TSNARE1: variants seen among roughly 807,000 people sequenced by gnomAD.
The protein encoded by TSNARE1 is t-SNARE domain containing 1, also known as t-SNARE domain-containing protein 1.
TSNARE1 carries 49 observed loss-of-function variants against 62.0 expected under a neutral mutation model. The ratio of observed to expected loss-of-function variants is 0.79; its 90% confidence interval spans 0.63 to 1.00. The LOEUF is 1.00. TSNARE1 is among the 50% of genes least tolerant of loss of function. TSNARE1 has a pLI of 0.00. For missense variants in TSNARE1, 755 were observed against 700.1 expected (o/e 1.08, Z -0.88); for synonymous variants, 328 against 294.4 (o/e 1.11, Z -1.17).
At chr8:142,398,980 G>C (rs562509669) in intron 1 of TSNARE1, among the ~76,000 whole-genome samples, 5 of 152,288 alleles carry the variant, frequency 3.3e-5, no homozygotes, top group Admixed American at 3.3e-4. Context: ...TCATAGCCTG[G>C]ATAAGGCCAG....
chr8:142,316,813 C>G (rs1195052280), intron 7 of TSNARE1, among the ~76,000 whole-genome samples: 1 of 151,910 alleles, frequency 6.6e-6, no homozygotes, highest in Non-Finnish European at 1.5e-5. Flanking sequence ...GCCTGCCTAA[C>G]TCTCCGCTCC....
At chr8:142,340,440 T>A (rs1392850210) in intron 4 of TSNARE1, among the ~76,000 whole-genome samples, 1 of 151,964 alleles carries the variant, frequency 6.6e-6, no homozygotes, top group Non-Finnish European at 1.5e-5. Flanking sequence ...CTGGGGGAGC[T>A]GAGGGTGGGG....
rs572405889 is a variant in TSNARE1 at position 142,361,589 on chromosome 8, G to T, written c.-39-6826C>A. ...GCGGACCCAGTGTGGCTGAGCTCAC[G>T]CATGGGCTTTCTGCAGCCCCCAGCC... is the stretch of plus-strand genomic sequence containing the variant. On this transcript the variant is annotated intron_variant, in intron 1 of 13. Coordinates refer to ENST00000524325, the MANE Select transcript of TSNARE1 (RefSeq NM_145003.5). Among the ~76,000 whole-genome samples, 74 of 152,328 alleles carry T rather than the reference G, an allele frequency of 4.9e-4. No homozygotes were observed. The East Asian group carries it at 0.013, about 27-fold the overall frequency.
intron 9 of TSNARE1, among the ~76,000 whole-genome samples, chr8:142,304,082 G>A (rs769514527): frequency 6.6e-6 from 1 of 152,242 alleles, no homozygotes; most frequent in Admixed American, 6.5e-5. Context: ...GTAGAAGCTA[G>A]CAGAAGCCTT....
intron 13 of TSNARE1, among the ~76,000 whole-genome samples, chr8:142,218,005 G>GCTCA (rs138146957): frequency 6.2e-5 from 4 of 64,550 alleles, no homozygotes; most frequent in African/African-American, 1.5e-4. Context: ...CAGGATCAGG[G>GCTCA]CTCAGTGTGT....
intron 1 of TSNARE1, among the ~76,000 whole-genome samples, chr8:142,399,395 C>A (rs374054405): frequency 9.2e-5 from 14 of 152,330 alleles, no homozygotes; most frequent in South Asian, 6.2e-4. Context: ...CAGCTCCCCG[C>A]GGGTGGGGTG....
At chr8:142,371,485 A>T (rs754387137) in intron 1 of TSNARE1, among the ~76,000 whole-genome samples, 1 of 152,200 alleles carries the variant, frequency 6.6e-6, no homozygotes, top group Non-Finnish European at 1.5e-5. Flanking sequence ...CTGCACACTT[A>T]AAAGAGTAAA....
intron 11 of TSNARE1, among the ~76,000 whole-genome samples, chr8:142,283,684 G>C (rs549112583): frequency 1.8e-4 from 27 of 150,808 alleles, no homozygotes; most frequent in African/African-American, 6.4e-4. Context: ...TGGGACCAGT[G>C]TCTGTCAATG....
chr8:142,365,584 C>A (rs1835473676), intron 1 of TSNARE1, among the ~76,000 whole-genome samples: 1 of 142,542 alleles, frequency 7.0e-6, no homozygotes, highest in African/African-American at 2.7e-5. Flanking sequence ...GAAAAACCAT[C>A]CATAAACACA....
intron 12 of TSNARE1, among the ~76,000 whole-genome samples, chr8:142,253,312 G>A (rs962343740): frequency 2.6e-5 from 4 of 152,332 alleles, no homozygotes; most frequent in East Asian, 1.9e-4. Flanking sequence ...ACAGGCCAGC[G>A]TGCGTGCCGC....
At chr8:142,285,424 A>G (rs1266968364) in intron 10 of TSNARE1, among the ~76,000 whole-genome samples, 1 of 110,224 alleles carries the variant, frequency 9.1e-6, no homozygotes, top group Non-Finnish European at 1.8e-5. Flanking sequence ...GGATGGATGG[A>G]TGGATGGATA....
chr8:142,241,204 G>A (rs182653154), intron 12 of TSNARE1, among the ~76,000 whole-genome samples: 4,261 of 152,222 alleles, frequency 0.028, 79 homozygotes, highest in Non-Finnish European at 0.041. Flanking sequence ...TCAAAAATCA[G>A]TCACGTTTCT....
chr8:142,391,445 T>A (rs2131368372), intron 1 of TSNARE1, among the ~76,000 whole-genome samples: 1 of 152,308 alleles, frequency 6.6e-6, no homozygotes, highest in African/African-American at 2.4e-5. Context: ...CTGGGGACTT[T>A]AAAATAGACA....
intron 4 of TSNARE1, among the ~76,000 whole-genome samples, chr8:142,337,786 C>T (rs1027289711): frequency 9.9e-5 from 15 of 152,234 alleles, no homozygotes; most frequent in Non-Finnish European, 1.9e-4. Flanking sequence ...ACATGCAGGA[C>T]GCCACATCCT....
At chr8:142,331,520 A>T (rs2132026265) in intron 5 of TSNARE1, among the ~76,000 whole-genome samples, 2 of 152,296 alleles carry the variant, frequency 1.3e-5, no homozygotes, top group Non-Finnish European at 2.9e-5. Context: ...GCCCTGACCC[A>T]GCCCTTGCTC....
chr8:142,268,463 C>T (rs941596932), intron 12 of TSNARE1, among the ~76,000 whole-genome samples: 2 of 152,186 alleles, frequency 1.3e-5, no homozygotes, highest in East Asian at 1.9e-4. Context: ...ACTGCCAAAT[C>T]GCCTTGGAGG....
chr8:142,298,245 G>C (rs1825094600), intron 10 of TSNARE1, among the ~76,000 whole-genome samples: 3 of 152,238 alleles, frequency 2.0e-5, no homozygotes, highest in African/African-American at 7.2e-5. Flanking sequence ...TCCACGTGGG[G>C]CGCCCTTGCC....
At position 142,291,846 on chromosome 8, in the gene TSNARE1, G is replaced by C. The variant is rs1823815438; in HGVS notation, c.1291-7361C>G. On this transcript the variant is annotated intron_variant, in intron 10 of 13. Transcript: ENST00000524325. This position sits in a 1 kb window ranked among gnomAD's most constrained non-coding sequence, Gnocchi z 4.8. ...TCGGGCAATAGGAACCAGGAGCAGG[G>C]GTGGCCGGGCCTGCCCAGGGAACTG... 6.6e-6 allele frequency among the ~76,000 whole-genome samples: 1 copy of C among 152,076 alleles called. No homozygotes were observed. The highest frequency in any genetic ancestry group is 2.4e-5 in the African/African-American group (1 of 41,424).
At chr8:142,380,716 T>G (rs1159684095) in intron 1 of TSNARE1, among the ~76,000 whole-genome samples, 1 of 151,918 alleles carries the variant, frequency 6.6e-6, no homozygotes, top group African/African-American at 2.4e-5. Context: ...AAAATACCCG[T>G]AACGGAAAAA....
Sources: allele counts gnomAD v4.1 joint callset (sites outside exome capture counted in the v4.1 genomes callset), GRCh38; gene constraint gnomAD v4.1.1; non-coding constraint Gnocchi (gnomAD v3.1); transcripts MANE v1.5; gene names NCBI Gene and HGNC (gene_info 2026-07-23, HGNC 2026-07-21).